THRAP3: variants seen among roughly 807,000 people sequenced by gnomAD.
The protein encoded by THRAP3 is thyroid hormone receptor associated protein 3.
In THRAP3, 16 loss-of-function variants were observed where a neutral mutation model predicts 101.0. That is an observed-to-expected ratio of 0.16 (90% CI 0.11 to 0.24). The LOEUF (loss-of-function observed/expected upper bound fraction) is 0.24. Among genes scored for constraint, THRAP3 ranks in the 10% least tolerant of loss-of-function variants. THRAP3 has a pLI of 1.00. For missense variants in THRAP3, 989 were observed against 1,202.7 expected, an observed-to-expected ratio of 0.82 and a Z score of 2.63; for synonymous variants, 407 against 422.6, an observed-to-expected ratio of 0.96 and a Z score of 0.45.
intron 2 of THRAP3, among the ~76,000 whole-genome samples, chr1:36,278,449 TC>T (rs745345265): frequency 1.1e-4 from 17 of 152,134 alleles, no homozygotes; most frequent in Non-Finnish European, 2.1e-4. Context: ...GTTTTCAAGA[TC>T]AAGGACCATT....
chr1:36,216,495 CAAA>C, the THRAP3 span, among the ~76,000 whole-genome samples: 70 of 56,398 alleles, frequency 1.2e-3, no homozygotes, highest in East Asian at 0.027. Flanking sequence ...GACTCCGTCT[CAAA>C]AAAAAAAAAA....
the THRAP3 span, among the ~76,000 whole-genome samples, chr1:36,213,808 T>C: frequency 6.7e-6 from 1 of 148,248 alleles, no homozygotes; most frequent in Admixed American, 6.8e-5. Context: ...GATTGCCCCA[T>C]TGCACTCCAG....
chr1:36,249,231 G>A (rs1476290079), intron 1 of THRAP3, among the ~76,000 whole-genome samples: 5 of 125,306 alleles, frequency 4.0e-5, no homozygotes, highest in Admixed American at 9.1e-5. Flanking sequence ...TCTCGCTCTC[G>A]CCCAGGCTGG....
At chr1:36,218,665 T>C in the THRAP3 span, among the ~76,000 whole-genome samples, 1 of 150,950 alleles carries the variant, frequency 6.6e-6, no homozygotes, top group Non-Finnish European at 1.5e-5. Flanking sequence ...GAGCTTGCAG[T>C]GAGCCGAGAT....
intron 1 of THRAP3, among the ~76,000 whole-genome samples, chr1:36,245,461 G>A (rs1236804621): frequency 2.0e-5 from 3 of 152,086 alleles, no homozygotes; most frequent in Admixed American, 6.6e-5. Context: ...GAGCCACCAC[G>A]CCTGGGTCCT....
chr1:36,276,685 C>T lies in THRAP3; in HGVS notation c.-31-5848C>T, dbSNP rs569462461. 1.1e-4 allele frequency among the ~76,000 whole-genome samples: 16 copies of T among 151,616 alleles called. No individual in the cohort carries two copies. In the South Asian group the frequency reaches 2.7e-3, roughly 26 times the overall value. ...CAGCCTGATCAACATGGTGAAACCC[C>T]GTCTCTATTAAAAATACAAAAATGA... On this transcript the variant is annotated intron_variant, in intron 2 of 11. Transcript: ENST00000354618.
At chr1:36,270,571 G>GTTTTTTTTTTTTTTT (rs532301363) in intron 2 of THRAP3, among the ~76,000 whole-genome samples, 2 of 31,870 alleles carry the variant, frequency 6.3e-5, no homozygotes, top group African/African-American at 7.1e-5. Context: ...ATTTGTTTAG[G>GTTTTTTTTTTTTTTT]TTTTTGTTTT....
At chr1:36,211,779 C>T in the THRAP3 span, among the ~76,000 whole-genome samples, 2 of 152,150 alleles carry the variant, frequency 1.3e-5, no homozygotes, top group Non-Finnish European at 2.9e-5. Flanking sequence ...GAGGTGACGC[C>T]CCCTTGGTCA....
At chr1:36,241,389 A>ATATG (rs1645156534) in intron 1 of THRAP3, among the ~76,000 whole-genome samples, 1 of 1,812 alleles carries the variant, frequency 5.5e-4, no homozygotes, top group African/African-American at 6.7e-4. Context: ...ATGGGTGTAT[A>ATATG]TATATATATA....
intron 1 of THRAP3, among the ~76,000 whole-genome samples, chr1:36,241,383 G>GTATA (rs199655791): frequency 1.5e-5 from 2 of 132,102 alleles, no homozygotes; most frequent in African/African-American, 3.2e-5. Flanking sequence ...ATGATAATGG[G>GTATA]TGTATATATA....
At chr1:36,256,870 A>T (rs1645382734) in intron 1 of THRAP3, among the ~76,000 whole-genome samples, 1 of 151,740 alleles carries the variant, frequency 6.6e-6, no homozygotes, top group Admixed American at 6.6e-5. Context: ...ATCTCGGCTC[A>T]CCACAACCTC....
chr1:36,237,016 A>G (rs573835942), intron 1 of THRAP3, among the ~76,000 whole-genome samples: 3 of 152,278 alleles, frequency 2.0e-5, no homozygotes, highest in Middle Eastern at 3.4e-3. Flanking sequence ...GTCTCTACTA[A>G]AAACACAAAA....
chr1:36,221,436 T>C (rs1433505164), upstream of THRAP3, among the ~76,000 whole-genome samples: 3 of 151,280 alleles, frequency 2.0e-5, no homozygotes, highest in Non-Finnish European at 1.5e-5. Context: ...GAAGAGTAAA[T>C]GGATGGGGCA....
At chr1:36,301,195 A>G (rs2124648067) in intron 10 of THRAP3, 111 bp downstream of exon 10, 1 of 1,100,770 alleles carries the variant, frequency 9.1e-7, no homozygotes, top group Non-Finnish European at 1.3e-6. Flanking sequence ...ATCCAATCCA[A>G]AGACCCTGGA....
rs769385339 is a variant in THRAP3, at chr1:36,303,889, C to T, written c.2740C>T (p.Arg914Trp). The change falls in exon 12 of 12, where the codon CGG becomes TGG. Residue 914 changes from arginine to tryptophan, a missense_variant. Transcript: ENST00000354618. ...FPRGRGRFMF[R>W]KSSTSPKWAH... ...TCGGGGTCGGGGCCGGTTCATGTTC[C>T]GGAAATCAAGTACCAGCCCCAAGTG... 1.2e-5 allele frequency: 19 copies of T among 1,613,402 alleles called. No homozygotes were observed. The highest frequency in any genetic ancestry group is 1.5e-5 in the Non-Finnish European group (18 of 1,179,836).
chr1:36,229,709 G>A (rs1410815113), intron 1 of THRAP3, among the ~76,000 whole-genome samples: 1 of 151,990 alleles, frequency 6.6e-6, no homozygotes, highest in African/African-American at 2.4e-5. Flanking sequence ...CTGGAGTGCA[G>A]TGGCGCAATC....
chr1:36,241,063 C>T (rs146029566), intron 1 of THRAP3, among the ~76,000 whole-genome samples: 4,855 of 151,762 alleles, frequency 0.032, 253 homozygotes, highest in African/African-American at 0.11. Flanking sequence ...AAAAATTATC[C>T]GGGCGTGGTG....
intron 1 of THRAP3, among the ~76,000 whole-genome samples, chr1:36,232,544 A>G (rs1645039958): frequency 6.6e-6 from 1 of 152,164 alleles, no homozygotes; most frequent in Admixed American, 6.6e-5. Flanking sequence ...TCACGTCTTT[A>G]GAGAGTAAGA....
intron 1 of THRAP3, among the ~76,000 whole-genome samples, chr1:36,257,071 A>G (rs955562639): frequency 2.0e-5 from 3 of 152,152 alleles, no homozygotes; most frequent in Admixed American, 2.0e-4. Context: ...TGGTGGGATT[A>G]CAGGTGTGAG....
Sources: allele counts gnomAD v4.1 joint callset (sites outside exome capture counted in the v4.1 genomes callset), GRCh38; gene constraint gnomAD v4.1.1; transcripts MANE v1.5; gene names NCBI Gene and HGNC (gene_info 2026-07-23, HGNC 2026-07-21).